The following AP1B1 variants were observed in gnomAD, a reference collection of about 807,000 sequenced individuals.
AP1B1 encodes AP-1 complex subunit beta-1.
A neutral mutation model predicts 104.3 loss-of-function variants in AP1B1; 36 were observed. The observed-to-expected ratio is 0.35, with a 90% CI of 0.26 to 0.46. AP1B1 has a LOEUF of 0.46. Ranked by LOEUF, AP1B1 falls within the 20% of genes least tolerant of loss-of-function variation. The probability of loss-of-function intolerance (pLI) is 1.00; values close to 1 mark genes in which losing one functional copy is unlikely to be tolerated. For synonymous variants in AP1B1, 504 were observed against 517.5 expected (o/e 0.97, Z 0.35); for missense variants, 901 against 1,247.9 (o/e 0.72, Z 4.19).
rs919354503 is a variant in AP1B1, at chr22:29,328,648, A to C, written c.*173T>G. On this transcript the variant is annotated 3_prime_UTR_variant, in exon 23 of 23. Coordinates refer to ENST00000357586, the MANE Select transcript of AP1B1 (RefSeq NM_001127.4). This position sits in a 1 kb window ranked among gnomAD's most constrained non-coding sequence, Gnocchi z 4.1. ...GAGTGCACTGCGCTCTCACCCCAGGAGGGGGTGGTGCCCTACCCCAGGGAT... is the reference window on the plus strand; with the variant it reads ...GAGTGCACTGCGCTCTCACCCCAGGCGGGGGTGGTGCCCTACCCCAGGGAT... The C allele has an allele frequency of 1.5e-5, 11 of 735,160 alleles. No homozygotes were observed. The highest frequency in any genetic ancestry group is 2.2e-5 in the Non-Finnish European group (10 of 459,250). 45.5% of individuals were successfully genotyped at this position (735,160 alleles called of 1,614,324 possible). A position where few individuals can be genotyped will look rare whatever the true frequency, so the allele number is the denominator to read the frequency against.
intron 22 of AP1B1, 189 bp from the exon 23 acceptor site, chr22:29,329,084 A>G: frequency 7.1e-7 from 1 of 1,405,324 alleles, no homozygotes; most frequent in Non-Finnish European, 9.3e-7. Context: ...CCGGGTGTGG[A>G]CCAAATATAC....
chr22:29,374,557 C>A (rs1031726598), intron 1 of AP1B1, among the ~76,000 whole-genome samples: 2 of 135,538 alleles, frequency 1.5e-5, no homozygotes, highest in Admixed American at 7.1e-5. Flanking sequence ...GACACAGAAA[C>A]TGAAACTACG....
chr22:29,351,439 T>A, intron 8 of AP1B1, 173 bp from the exon 9 acceptor site: 1 of 876,114 alleles, frequency 1.1e-6, no homozygotes, highest in Non-Finnish European at 1.8e-6. Flanking sequence ...AAAGAAGGCC[T>A]GGACAACCTT....
At chr22:29,336,554 C>G (rs564583318) in intron 16 of AP1B1, among the ~76,000 whole-genome samples, 17 of 151,994 alleles carry the variant, frequency 1.1e-4, no homozygotes, top group Non-Finnish European at 2.4e-4. Context: ...GTAATTCCAG[C>G]ACTTTGGGAG....
intron 9 of AP1B1, among the ~76,000 whole-genome samples, chr22:29,350,891 A>C (rs142297553): frequency 6.6e-6 from 1 of 152,246 alleles, no homozygotes; most frequent in Non-Finnish European, 1.5e-5. Context: ...TGCTAAGTCC[A>C]TTAACTTGTG....
chr22:29,377,507 G>C (rs2062364519), intron 1 of AP1B1, among the ~76,000 whole-genome samples: 2 of 152,110 alleles, frequency 1.3e-5, no homozygotes, highest in South Asian at 4.1e-4. Flanking sequence ...ACTATGTAAA[G>C]AGCTTTAAAG....
At chr22:29,342,426 A>T (rs2061728677) in intron 11 of AP1B1, 43 bp from the exon 12 acceptor site, 1 of 1,519,696 alleles carries the variant, frequency 6.6e-7, no homozygotes, top group Admixed American at 1.7e-5. Flanking sequence ...TGGGCCTCAC[A>T]TGGGGATAGA....
intron 2 of AP1B1, among the ~76,000 whole-genome samples, chr22:29,366,215 C>G (rs1289236684): frequency 2.0e-5 from 3 of 152,148 alleles, no homozygotes; most frequent in African/African-American, 4.8e-5. Context: ...CCAAAATACC[C>G]AATGATATAA....
chr22:29,382,862 G>A (rs2062459284), intron 1 of AP1B1, among the ~76,000 whole-genome samples: 2 of 152,180 alleles, frequency 1.3e-5, no homozygotes, highest in Non-Finnish European at 1.5e-5. Context: ...ATGATCAAGC[G>A]TGAGGTCTCT....
rs137904558 is a variant in AP1B1, at chr22:29,334,357, G to A, written c.2217C>T (p.Thr739=). ...CCATGGAGATGGAGCCCACCTGGCG[G>A]GTGAAGGTGCCTGAGATCTCCAGCC... ...AKGLEISGTF[T]RQVGSISMDL... is the part of the protein sequence containing the mutation. Residue 739 remains threonine (T), a synonymous_variant, in exon 17 of 23, where the codon ACC becomes ACT. Coordinates refer to ENST00000357586, the MANE Select transcript of AP1B1 (RefSeq NM_001127.4). 605 of 1,611,124 alleles carry A rather than the reference G, an allele frequency of 3.8e-4. No individual in the cohort carries two copies. Among genetic ancestry groups the A allele is most frequent in the Middle Eastern group, 1.2e-3 (7 of 6,046 alleles).
intron 17 of AP1B1, 83 bp downstream of exon 17, chr22:29,334,182 C>T: frequency 7.1e-7 from 1 of 1,399,032 alleles, no homozygotes; most frequent in Non-Finnish European, 9.5e-7. Context: ...CCCACCCCTG[C>T]CTGCAGTCCC....
At chr22:29,379,223 C>T (rs73403066) in intron 1 of AP1B1, among the ~76,000 whole-genome samples, 1,746 of 152,146 alleles carry the variant, frequency 0.011, 42 homozygotes, top group African/African-American at 0.04. Flanking sequence ...CATGGTGGCT[C>T]GCACCTATAG....
intron 21 of AP1B1, 95 bp from the exon 22 acceptor site, chr22:29,329,815 C>T (rs1569149469): frequency 1.8e-5 from 29 of 1,580,452 alleles, no homozygotes; most frequent in Non-Finnish European, 1.8e-5. Flanking sequence ...CAGCCCCCCA[C>T]CGACCAGCAC....
intron 1 of AP1B1, among the ~76,000 whole-genome samples, chr22:29,386,293 A>ACC (rs1312935830): frequency 1.3e-5 from 2 of 152,192 alleles, no homozygotes; most frequent in Non-Finnish European, 2.9e-5. Flanking sequence ...CTGGGGTTGA[A>ACC]CCCAGGGCTG....
rs2061511669 is a variant in AP1B1 at position 29,328,659 on chromosome 22, C to T, written c.*162G>A. On this transcript the variant is annotated 3_prime_UTR_variant, in exon 23 of 23. Coordinates refer to ENST00000357586, the MANE Select transcript of AP1B1 (RefSeq NM_001127.4). The surrounding 1 kb of genome is among the most constrained non-coding windows in gnomAD (Gnocchi z 4.1). ...GCTCTCACCCCAGGAGGGGGTGGTGCCCTACCCCAGGGATCGGGTGGGTTC... is the reference window on the plus strand; with the variant it reads ...GCTCTCACCCCAGGAGGGGGTGGTGTCCTACCCCAGGGATCGGGTGGGTTC... 5.9e-6 allele frequency: 5 copies of T among 847,666 alleles called. No homozygotes were observed. The highest frequency in any genetic ancestry group is 1.7e-5 in the African/African-American group (1 of 58,572). 52.5% of individuals were successfully genotyped at this position (847,666 alleles called of 1,614,324 possible). A position where few individuals can be genotyped will look rare whatever the true frequency, so the allele number is the denominator to read the frequency against.
intron 2 of AP1B1, among the ~76,000 whole-genome samples, chr22:29,363,423 G>C (rs1279945574): frequency 6.6e-6 from 1 of 152,216 alleles, no homozygotes; most frequent in Admixed American, 6.5e-5. Context: ...TCCGAGGCAG[G>C]CGGATCACGA....
intron 1 of AP1B1, among the ~76,000 whole-genome samples, chr22:29,372,757 G>T (rs2062262321): frequency 1.3e-5 from 2 of 151,976 alleles, no homozygotes; most frequent in Non-Finnish European, 2.9e-5. Flanking sequence ...TTAGGAACAA[G>T]AAATATAGAC....
Position 29,345,829 on chromosome 22 carries a change from C to T in AP1B1, c.1437+3389G>A, listed in dbSNP as rs533550152. 5.0e-3 allele frequency among the ~76,000 whole-genome samples: 757 copies of T among 152,212 alleles called. 4 individuals carry two copies. Among genetic ancestry groups the T allele is most frequent in the African/African-American group, 0.018 (734 of 41,530 alleles). On this transcript the variant is annotated intron_variant, in intron 11 of 22. Transcript: ENST00000357586. ...CCTCCTGAGTGGCTGGGATTACAGA[C>T]GCACACCACCATGCCTGGCTAATTT...
intron 10 of AP1B1, 148 bp from the exon 11 acceptor site, chr22:29,349,531 TGAGA>T: frequency 1.3e-6 from 1 of 792,458 alleles, no homozygotes; most frequent in East Asian, 2.7e-5. Context: ...TTTTTTTTTT[TGAGA>T]TGGAGTTTCA....
Sources: allele counts gnomAD v4.1 joint callset (sites outside exome capture counted in the v4.1 genomes callset), GRCh38; gene constraint gnomAD v4.1.1; non-coding constraint Gnocchi (gnomAD v3.1); transcripts MANE v1.5; gene names NCBI Gene and HGNC (gene_info 2026-07-23, HGNC 2026-07-21).